SLC61A1: variants seen among roughly 807,000 people sequenced by gnomAD.
The protein encoded by SLC61A1 is major facilitator superfamily domain containing 5.
chr12:53,252,466 C>A, the SLC61A1 span: 1 of 1,296,228 alleles, frequency 7.7e-7, no homozygotes, highest in South Asian at 2.0e-5. Context: ...AAAAGAGGCT[C>A]CGCAGCGAGG....
At chr12:53,252,211 T>TGGCCTGGC in the SLC61A1 span, 5 of 1,414,266 alleles carry the variant, frequency 3.5e-6, no homozygotes, top group South Asian at 7.8e-5. Context: ...GCGGGGAGGG[T>TGGCCTGGC]GGCCTGGCGG....
the SLC61A1 span, chr12:53,251,924 GAGC>G: frequency 6.5e-7 from 1 of 1,537,290 alleles, no homozygotes; most frequent in Non-Finnish European, 8.7e-7. Context: ...AGAGCCAGAG[GAGC>G]AGGTGTCACG....
the SLC61A1 span, chr12:53,253,003 T>C: frequency 6.2e-7 from 1 of 1,614,200 alleles, no homozygotes; most frequent in South Asian, 1.1e-5. Flanking sequence ...TGGCAGCTGA[T>C]TGGCTTCAGG....
the SLC61A1 span, chr12:53,254,190 C>T: frequency 9.3e-6 from 15 of 1,612,574 alleles, no homozygotes; most frequent in East Asian, 1.3e-4. Context: ...GAGCTGTAAC[C>T]CCACTCCAGG....
At chr12:53,252,031 C>A in the SLC61A1 span, 1 of 1,509,420 alleles carries the variant, frequency 6.6e-7, no homozygotes, top group Non-Finnish European at 8.8e-7. Context: ...GAGTTCCGCG[C>A]CCGGGTAAGG....
chr12:53,252,219 C>A, the SLC61A1 span: 4 of 1,412,800 alleles, frequency 2.8e-6, no homozygotes, highest in African/African-American at 4.5e-5. Context: ...GGTGGCCTGG[C>A]GGCCTGGAGC....
the SLC61A1 span, chr12:53,252,619 C>T: frequency 2.5e-6 from 3 of 1,214,836 alleles, no homozygotes; most frequent in African/African-American, 4.6e-5. Flanking sequence ...TCTTCTTACC[C>T]CTCCCTGCCC....
the SLC61A1 span, chr12:53,252,301 T>C: frequency 7.2e-7 from 1 of 1,384,488 alleles, no homozygotes; most frequent in South Asian, 1.7e-5. Flanking sequence ...TGCAAGTGGA[T>C]GTGGCAGGGC....
the SLC61A1 span, chr12:53,252,120 G>A: frequency 4.8e-6 from 7 of 1,445,994 alleles, no homozygotes; most frequent in South Asian, 7.3e-5. Context: ...CATGGCGGCG[G>A]CCAGAGGCCT....
the SLC61A1 span, chr12:53,252,937 C>T: frequency 6.2e-7 from 1 of 1,614,230 alleles, no homozygotes; most frequent in Non-Finnish European, 8.5e-7. Context: ...GGGCCTGCAG[C>T]AATCCCTCCT....
At chr12:53,254,377 AT>A in the SLC61A1 span, 1 of 612,348 alleles carries the variant, frequency 1.6e-6, no homozygotes, top group Non-Finnish European at 2.9e-6. Flanking sequence ...TGTTACTCCC[AT>A]TTAGAAAATA....
the SLC61A1 span, chr12:53,253,500 G>C: frequency 2.5e-6 from 4 of 1,614,098 alleles, no homozygotes; most frequent in Admixed American, 1.7e-5. Context: ...CTTCGAAACT[G>C]GGGGGAGAAC....
the SLC61A1 span, chr12:53,254,046 G>C: frequency 6.2e-7 from 1 of 1,614,194 alleles, no homozygotes; most frequent in Non-Finnish European, 8.5e-7. Context: ...CGAAAAACAG[G>C]CACTCGGAAT....
At chr12:53,253,493 C>G in the SLC61A1 span, 3 of 1,614,124 alleles carry the variant, frequency 1.9e-6, no homozygotes, top group Middle Eastern at 1.6e-4. Flanking sequence ...CTTGGCCCTT[C>G]GAAACTGGGG....
At chr12:53,251,510 T>TAA in the SLC61A1 span, 21 of 555,914 alleles carry the variant, frequency 3.8e-5, no homozygotes, top group Non-Finnish European at 6.3e-5. Context: ...CTGAAGTTCT[T>TAA]AACCCCATGC....
At chr12:53,253,215 A>G in the SLC61A1 span, 27 of 1,614,204 alleles carry the variant, frequency 1.7e-5, no homozygotes, top group East Asian at 3.3e-4. Flanking sequence ...TCTCAAGACT[A>G]CTTTGTGCTG....
At chr12:53,251,924 G>A in the SLC61A1 span, 13 of 1,537,172 alleles carry the variant, frequency 8.5e-6, no homozygotes, top group East Asian at 1.2e-4. Flanking sequence ...AGAGCCAGAG[G>A]AGCAGGTGTC....
At chr12:53,251,941 T>C in the SLC61A1 span, 1 of 1,535,992 alleles carries the variant, frequency 6.5e-7, no homozygotes, top group South Asian at 1.2e-5. Flanking sequence ...TGTCACGGGA[T>C]GGCAGCGAGC....
the SLC61A1 span, chr12:53,254,144 C>T: frequency 6.3e-5 from 102 of 1,614,110 alleles, no homozygotes; most frequent in East Asian, 2.7e-4. Flanking sequence ...TGCTGAGCTG[C>T]GGGTACCTTC....
Sources: gnomAD v4.1 joint callset for allele counts on GRCh38, gnomAD v4.1.1 for gene constraint, MANE v1.5 for transcripts, NCBI Gene and HGNC (gene_info 2026-07-23, HGNC 2026-07-21) for gene names.